Variants in DMD observed in about 807,000 individuals in gnomAD.
DMD encodes the protein dystrophin.
DMD carries 63 observed loss-of-function variants against 330.1 expected under a neutral mutation model. The observed-to-expected ratio is 0.19, with a 90% CI of 0.16 to 0.24. DMD has a LOEUF of 0.24. DMD is among the 10% of genes least tolerant of loss of function. The pLI is 1.00. For synonymous variants in DMD, 1,223 were observed against 959.8 expected, an observed-to-expected ratio of 1.27 and a Z score of -5.07; for missense variants, 3,344 against 2,684.1, an observed-to-expected ratio of 1.25 and a Z score of -5.43.
intron 55 of DMD, among the ~76,000 whole-genome samples, chrX:31,513,479 T>C (rs959165625): frequency 9.0e-6 from 1 of 110,957 alleles, no homozygotes; most frequent in South Asian, 4.0e-4. Context: ...AAGATTGATA[T>C]GGAGAATCAA....
chrX:31,297,704 C>A (rs1603316111), intron 62 of DMD, among the ~76,000 whole-genome samples: 2 of 112,239 alleles, frequency 1.8e-5, no homozygotes, highest in Non-Finnish European at 3.8e-5. Flanking sequence ...GCTTGTACTG[C>A]CTCTCAACAA....
At chrX:32,822,622 A>C (rs1158495470) in intron 5 of DMD, among the ~76,000 whole-genome samples, 1 of 109,911 alleles carries the variant, frequency 9.1e-6, no homozygotes, top group Non-Finnish European at 1.9e-5. Flanking sequence ...TAATGTGTGG[A>C]TATGAGTGTG....
At chrX:31,190,612 A>AG (rs1569442461) in intron 67 of DMD, among the ~76,000 whole-genome samples, 2 of 3,365 alleles carry the variant, frequency 5.9e-4, no homozygotes, top group African/African-American at 7.4e-4. Context: ...GGGGGGGGGG[A>AG]GGGGGAGGGC....
At chrX:31,437,392 T>C (rs1404958727) in intron 60 of DMD, among the ~76,000 whole-genome samples, 1 of 111,805 alleles carries the variant, frequency 8.9e-6, no homozygotes, top group Non-Finnish European at 1.9e-5. Context: ...CAGCATCTCC[T>C]GGGAGCATGA....
At chrX:31,733,250 A>C (rs886690507) in intron 51 of DMD, among the ~76,000 whole-genome samples, 5 of 111,815 alleles carry the variant, frequency 4.5e-5, no homozygotes, top group South Asian at 3.7e-4. Context: ...TTAAACAGTG[A>C]AATCATACAT....
intron 6 of DMD, among the ~76,000 whole-genome samples, chrX:32,812,494 A>T (rs1472211562): frequency 9.0e-6 from 1 of 111,236 alleles, no homozygotes; most frequent in Non-Finnish European, 1.9e-5. Flanking sequence ...TTAGCAGGGC[A>T]TGGTGGCTCG....
At chrX:32,567,960 C>A (rs1360216956) in intron 15 of DMD, among the ~76,000 whole-genome samples, 2 of 111,533 alleles carry the variant, frequency 1.8e-5, no homozygotes, top group East Asian at 2.8e-4. Context: ...CTTACTTACT[C>A]AGAATGTTAG....
rs2148850018 is a variant in DMD, at chrX:32,823,307, G to A, written c.345C>T (p.Ile115=). ...KLTLGLIWNI[I]LHWQVKNVMK... ...TCAGGATTCTTACCTGCCAGTGGAGGATTATATTCCAAATCAAACCAAGAG... is the reference window on the plus strand; with the variant it reads ...TCAGGATTCTTACCTGCCAGTGGAGAATTATATTCCAAATCAAACCAAGAG... Residue 115 remains isoleucine (I), a synonymous_variant, in exon 5 of 79, where the codon ATC becomes ATT. Transcript: ENST00000357033. The A allele has an allele frequency of 1.7e-6, 2 of 1,204,671 alleles. No homozygotes were observed. The highest frequency in any genetic ancestry group is 2.2e-6 in the Non-Finnish European group (2 of 889,435).
intron 43 of DMD, among the ~76,000 whole-genome samples, chrX:32,240,281 C>G (rs1250356689): frequency 1.8e-5 from 2 of 111,709 alleles, no homozygotes. Context: ...AATCCTCACC[C>G]TCAAGGTGAT....
At chrX:33,067,287 CAA>C (rs1462083789) in intron 1 of DMD, among the ~76,000 whole-genome samples, 3 of 111,921 alleles carry the variant, frequency 2.7e-5, no homozygotes, top group African/African-American at 6.5e-5. Context: ...ACTGCAGACA[CAA>C]AGAGTGTGGA....
chrX:32,880,308 C>A (rs1208844555), intron 2 of DMD, among the ~76,000 whole-genome samples: 1 of 106,222 alleles, frequency 9.4e-6, no homozygotes, highest in Non-Finnish European at 1.9e-5. Context: ...CCTTTTTCAG[C>A]TTAGTCTTCT....
At chrX:31,255,184 G>C (rs185196755) in intron 63 of DMD, among the ~76,000 whole-genome samples, 6 of 111,187 alleles carry the variant, frequency 5.4e-5, no homozygotes, top group South Asian at 3.8e-4. Flanking sequence ...TGTGAGAAAA[G>C]GACAGGCTTT....
At chrX:32,975,257 C>G (rs753732713) in intron 2 of DMD, among the ~76,000 whole-genome samples, 48 of 109,961 alleles carry the variant, frequency 4.4e-4, no homozygotes, top group Non-Finnish European at 8.5e-4. Context: ...AACAGCCAAC[C>G]CACAGTAAAA....
chrX:31,394,671 G>C (rs1382533261), intron 60 of DMD, among the ~76,000 whole-genome samples: 1 of 110,767 alleles, frequency 9.0e-6, no homozygotes, highest in Non-Finnish European at 1.9e-5. Flanking sequence ...GCACGTGCCT[G>C]TAGTCCCAGC....
chrX:32,840,541 T>A (rs2080071908), intron 4 of DMD, among the ~76,000 whole-genome samples: 1 of 111,523 alleles, frequency 9.0e-6, no homozygotes, highest in Non-Finnish European at 1.9e-5. Flanking sequence ...AGCTATCAGG[T>A]CAAAACATGG....
At chrX:31,297,179 A>G (rs1052128549) in intron 62 of DMD, among the ~76,000 whole-genome samples, 2 of 111,194 alleles carry the variant, frequency 1.8e-5, no homozygotes, top group African/African-American at 6.5e-5. Flanking sequence ...TGAGTGGACT[A>G]CCTGTATCAG....
chrX:32,655,059 C>A (rs973363351), intron 9 of DMD, among the ~76,000 whole-genome samples: 3 of 111,102 alleles, frequency 2.7e-5, no homozygotes, highest in African/African-American at 9.8e-5. Context: ...GTCTTGCTAG[C>A]GATCTATCAA....
At chrX:33,026,310 T>A (rs1343845371) in intron 1 of DMD, among the ~76,000 whole-genome samples, 1 of 25,887 alleles carries the variant, frequency 3.9e-5, no homozygotes, top group Non-Finnish European at 6.1e-5. Flanking sequence ...GGAGACTCCG[T>A]CTCAAAAAAA....
chrX:31,737,177 G>T (rs915053337), intron 51 of DMD, among the ~76,000 whole-genome samples: 2 of 111,433 alleles, frequency 1.8e-5, no homozygotes, highest in Admixed American at 9.5e-5. Flanking sequence ...TCTAACATAG[G>T]TAAGTTGGCC....
Sources: gnomAD v4.1 joint callset for allele counts (sites outside exome capture counted in the v4.1 genomes callset) on GRCh38, gnomAD v4.1.1 for gene constraint, MANE v1.5 for transcripts, NCBI Gene and HGNC (gene_info 2026-07-23, HGNC 2026-07-21) for gene names.